TRIM45: variants seen among roughly 807,000 people sequenced by gnomAD.
TRIM45 encodes tripartite motif containing 45, also known as E3 ubiquitin-protein ligase TRIM45.
In TRIM45, 45 loss-of-function variants were observed where a neutral mutation model predicts 46.7. The ratio of observed to expected loss-of-function variants is 0.96; its 90% CI spans 0.76 to 1.24. The LOEUF (loss-of-function observed/expected upper bound fraction) is 1.24, where lower values mean the gene tolerates loss of function less well. Ranked by LOEUF, TRIM45 falls within the 50% of genes most tolerant of loss-of-function variation. TRIM45 has a pLI of 0.00. For synonymous variants in TRIM45, 259 were observed against 285.8 expected, an observed-to-expected ratio of 0.91 and a Z score of 0.94; for missense variants, 680 against 728.4, an observed-to-expected ratio of 0.93 and a Z score of 0.77.
chr1:117,121,524 T>C lies in TRIM45; in HGVS notation c.-323A>G, dbSNP rs182161867. 2.6e-4 allele frequency: 138 copies of C among 538,292 alleles called. 1 individual carries two copies. The highest frequency in any genetic ancestry group is 1.0e-3 in the South Asian group (43 of 41,342). 33.3% of individuals were successfully genotyped at this position (538,292 alleles called of 1,614,324 possible). A position where few individuals can be genotyped will look rare whatever the true frequency, so the allele number is the denominator to read the frequency against. ...GTCCTGCTGCCAACAAAGTCACCCC[T>C]GCACCTCTCGCTCCCTCCACTGCCA... On this transcript the variant is annotated 5_prime_UTR_variant, in exon 1 of 6. Transcript: ENST00000256649. The surrounding 1 kb of genome is among the most constrained non-coding windows in gnomAD (Gnocchi z 4.2).
In TRIM45 at chr1:117,115,583, GC is replaced by G; in HGVS notation, c.1458del (p.Gln486HisfsTer10). The G allele has an allele frequency of 1.9e-6, 3 of 1,613,396 alleles. No individual in the cohort carries two copies. In the East Asian group the frequency reaches 6.7e-5, roughly 36 times the overall value. On this transcript the variant is annotated frameshift_variant, in exon 4 of 6. Transcript: ENST00000256649. LOFTEE classifies it high-confidence loss of function. This position sits in a 1 kb window ranked among gnomAD's most constrained non-coding sequence, Gnocchi z 4.2. ...ACGTGCACCAGTCTTACCTGCACAT[GC>G]TGTTCTTTGATGCAGACCCACACAG... The part of the protein sequence containing the change: ...VYTVWVCIKE[Q>X]HVQGSPFTVM...
At position 117,117,950 on chromosome 1, in the gene TRIM45, T is replaced by C; in HGVS notation, c.1222+84A>G. The stretch of plus-strand genomic sequence containing the variant: ...TGGTAACCTGGTCAGTAGGGCATGC[T>C]TCCTAGCAGAACAAGCCACCAATCT... On this transcript the variant is annotated intron_variant, in intron 2 of 5. Coordinates refer to ENST00000256649, the MANE Select transcript of TRIM45 (RefSeq NM_025188.4). This position sits in a 1 kb window ranked among gnomAD's most constrained non-coding sequence, Gnocchi z 4.9. 6.5e-7 allele frequency: 1 copy of C among 1,529,872 alleles called. No individual in the cohort carries two copies. The highest frequency in any genetic ancestry group is 8.8e-7 in the Non-Finnish European group (1 of 1,130,896). 94.8% of individuals were successfully genotyped at this position (1,529,872 alleles called of 1,614,324 possible).
chr1:117,111,970 AAAAG>A lies in TRIM45; in HGVS notation c.*331_*334del, dbSNP rs1650231923. 1 of 168,432 alleles carries A rather than the reference AAAAG, an allele frequency of 5.9e-6. No individual in the cohort carries two copies. The highest frequency in any genetic ancestry group is 1.3e-5 in the Non-Finnish European group (1 of 79,134). 10.4% of individuals were successfully genotyped at this position (168,432 alleles called of 1,614,324 possible). The stretch of plus-strand genomic sequence containing the variant: ...TTTAAAAAAAAAAAAAAAAGAAAAA[AAAAG>A]GGTTATATCAGAAAGGAACTAAACT... On this transcript the variant is annotated 3_prime_UTR_variant, in exon 6 of 6. Coordinates refer to ENST00000256649, the MANE Select transcript of TRIM45 (RefSeq NM_025188.4).
Position 117,118,458 on chromosome 1 carries a change from G to A in TRIM45, c.798C>T (p.Leu266=). 6.2e-6 allele frequency: 10 copies of A among 1,614,096 alleles called. No homozygotes were observed. The highest frequency in any genetic ancestry group is 5.9e-6 in the Non-Finnish European group (7 of 1,180,012). ...CTGCCACTGCCTCCACTCGCTTCTG[G>A]AGGGCACTGTTTATTATGTGGATCT... ...LAQIHIINSA[L]QKRVEAVAAD... is the part of the protein sequence containing the mutation. The change falls in exon 2 of 6, where the codon CTC becomes CTT. Residue 266 remains leucine, a synonymous_variant. Coordinates refer to ENST00000256649, the MANE Select transcript of TRIM45 (RefSeq NM_025188.4). This position sits in a 1 kb window ranked among gnomAD's most constrained non-coding sequence, Gnocchi z 5.7.
In TRIM45 at chr1:117,116,688, G is replaced by A; in HGVS notation, c.1280C>T (p.Ala427Val). Reference sequence around the variant, plus strand: ...TCCCCTGCCCATGATTTCTCCTGCGGCATCCTTACAAAGCAGGGTGAAAGA... The same window carrying A: ...TCCCCTGCCCATGATTTCTCCTGCGACATCCTTACAAAGCAGGGTGAAAGA... ...TASFTLLCKD[A>V]AGEIMGRGGD... The change falls in exon 3 of 6, where the codon GCC becomes GTC. Residue 427 changes from alanine to valine, a missense_variant. This residue lies in a region of TRIM45 where 322 missense variants were observed against 359.3 expected (regional missense o/e 0.90). Transcript: ENST00000256649. The surrounding 1 kb of genome is among the most constrained non-coding windows in gnomAD (Gnocchi z 4.6). 3 of 1,614,086 alleles carry A rather than the reference G, an allele frequency of 1.9e-6. No individual in the cohort carries two copies. Among genetic ancestry groups the A allele is most frequent in the Non-Finnish European group, 2.5e-6 (3 of 1,180,016 alleles).
At chr1:117,121,825 T>C (rs1239058576), upstream of TRIM45, 2 of 707,184 alleles carry the variant, frequency 2.8e-6, no homozygotes, top group East Asian at 2.7e-5. This position sits in a 1 kb window ranked among gnomAD's most constrained non-coding sequence, Gnocchi z 4.2. Flanking sequence ...CCCTCGCCGC[T>C]CCGGGCCCCG....
chr1:117,117,893 C>T lies in TRIM45; in HGVS notation c.1222+141G>A. 8.9e-7 allele frequency: 1 copy of T among 1,129,700 alleles called. No individual in the cohort carries two copies. Among genetic ancestry groups the T allele is most frequent in the Non-Finnish European group, 1.3e-6 (1 of 793,674 alleles). The allele number at this position is 1,129,700 out of a possible 1,614,324, so 70.0% of individuals were successfully genotyped here. ...CCAGAAAGGGCAAAGGTGGGGGTCA[C>T]TGTCTTTCAGATCAGTTTATCTCCC... is the stretch of plus-strand genomic sequence containing the variant. On this transcript the variant is annotated intron_variant, in intron 2 of 5. Coordinates refer to ENST00000256649, the MANE Select transcript of TRIM45 (RefSeq NM_025188.4). This position sits in a 1 kb window ranked among gnomAD's most constrained non-coding sequence, Gnocchi z 4.9.
Position 117,112,443 on chromosome 1 carries a change from T to C in TRIM45, c.1605A>G (p.Leu535=). Residue 535 remains leucine (L), a synonymous_variant, in exon 6 of 6, where the codon CTA becomes CTG. Coordinates refer to ENST00000256649, the MANE Select transcript of TRIM45 (RefSeq NM_025188.4). ...ACGGTMPGGY[L]GCGHGHKGHP... is the part of the protein sequence containing the mutation. ...GGCCTTTGTGTCCATGGCCACAGCCTAGGTACCCACCTACATGGGACAAAG... is the reference window on the plus strand; with the variant it reads ...GGCCTTTGTGTCCATGGCCACAGCCCAGGTACCCACCTACATGGGACAAAG... The C allele has an allele frequency of 6.2e-7, 1 of 1,612,474 alleles. No homozygotes were observed. The highest frequency in any genetic ancestry group is 8.5e-7 in the Non-Finnish European group (1 of 1,179,352).
chr1:117,118,510 A>G lies in TRIM45; in HGVS notation c.746T>C (p.Val249Ala). 6.2e-7 allele frequency: 1 copy of G among 1,614,140 alleles called. No individual in the cohort carries two copies. The highest frequency in any genetic ancestry group is 8.5e-7 in the Non-Finnish European group (1 of 1,180,036). ...AGCCAGGGCTTCCTCCAGGGCCTCC[A>G]CGTGGGGCTGAGTACCTTTGAGGAG... ...WELLKGTQPH[V>A]EALEEALAQI... The change falls in exon 2 of 6, where the codon GTG becomes GCG. Residue 249 changes from valine to alanine, a missense_variant. This residue lies in a region of TRIM45 where 349 missense variants were observed against 343.6 expected (regional missense o/e 1.02). Coordinates refer to ENST00000256649, the MANE Select transcript of TRIM45 (RefSeq NM_025188.4). This position sits in a 1 kb window ranked among gnomAD's most constrained non-coding sequence, Gnocchi z 5.7.
chr1:117,118,155 TC>T lies in TRIM45; in HGVS notation c.1100del (p.Gly367GlufsTer2). On this transcript the variant is annotated frameshift_variant, in exon 2 of 6. Coordinates refer to ENST00000256649, the MANE Select transcript of TRIM45 (RefSeq NM_025188.4). LOFTEE classifies it high-confidence loss of function. This position sits in a 1 kb window ranked among gnomAD's most constrained non-coding sequence, Gnocchi z 5.7. ...GACAGAAGCGTATCTTATCATTTAC[TC>T]CAGGACGGGTGCTATATTGAACTTT... Reference protein sequence around the residue: ...LNKVQYSTRPGVNDKIRFCPQ... With the variant: ...LNKVQYSTRPXVNDKIRFCPQ... 3 of 1,614,222 alleles carry T rather than the reference TC, an allele frequency of 1.9e-6. No homozygotes were observed. The highest frequency in any genetic ancestry group is 2.5e-6 in the Non-Finnish European group (3 of 1,180,040).
rs370101995 is a variant in TRIM45 at position 117,113,390 on chromosome 1, G to A, written c.1563C>T (p.Thr521=). The A allele has an allele frequency of 3.8e-5, 61 of 1,612,130 alleles. No individual in the cohort carries two copies. The highest frequency in any genetic ancestry group is 3.7e-4 in the African/African-American group (28 of 74,878). ...TGGTGCCTCCACAGGCGCAGCGAGC[G>A]GTTTTCTGGCCCCCGCTGGAGCAGA... ...CTFCSSGGQK[T]ARCACGGTMP... Residue 521 remains threonine (T), a synonymous_variant, in exon 5 of 6, where the codon ACC becomes ACT. Transcript: ENST00000256649. This position sits in a 1 kb window ranked among gnomAD's most constrained non-coding sequence, Gnocchi z 4.0.
chr1:117,113,450 G>T lies in TRIM45; in HGVS notation c.1503C>A (p.His501Gln), dbSNP rs1339516764. The T allele has an allele frequency of 3.1e-6, 5 of 1,612,844 alleles. No homozygotes were observed. The highest frequency in any genetic ancestry group is 4.2e-6 in the Non-Finnish European group (5 of 1,180,010). The change falls in exon 5 of 6, where the codon CAC becomes CAA. Residue 501 changes from histidine to glutamine, a missense_variant. By Grantham distance (24) the His-to-Gln change is conservative. Transcript: ENST00000256649. The surrounding 1 kb of genome is among the most constrained non-coding windows in gnomAD (Gnocchi z 4.0). ...SPFTVMVRRK[H>Q]RPHSGVFHCC... is the part of the protein sequence containing the mutation. The stretch of plus-strand genomic sequence containing the variant: ...AGTGAAACACGCCTGAGTGTGGGCG[G>T]TGCTTTCTCCTCACCATCACAGTGA...
Position 117,121,434 on chromosome 1 carries a change from G to C in TRIM45, c.-233C>G. 3.8e-6 allele frequency: 2 copies of C among 531,998 alleles called. No individual in the cohort carries two copies. Among genetic ancestry groups the C allele is most frequent in the South Asian group, 5.9e-5 (2 of 33,862 alleles). 33.0% of individuals were successfully genotyped at this position (531,998 alleles called of 1,614,324 possible). On this transcript the variant is annotated 5_prime_UTR_variant, in exon 1 of 6. Transcript: ENST00000256649. This position sits in a 1 kb window ranked among gnomAD's most constrained non-coding sequence, Gnocchi z 4.2. ...TTCCACTGCATCCCACACCAGACACGCCCACGCCCTCCTCTGCCCCGCAAG... is the reference window on the plus strand; with the variant it reads ...TTCCACTGCATCCCACACCAGACACCCCCACGCCCTCCTCTGCCCCGCAAG...
In TRIM45 at chr1:117,111,213, CTA is replaced by C. The variant is rs1339918863; in HGVS notation, c.*1090_*1091del. On this transcript the variant is annotated 3_prime_UTR_variant, in exon 6 of 6. Transcript: ENST00000256649. ...ATTCTCCAGCAGCTAAGAAGGCACA[CTA>C]TGAGTGAAGGCACAGTAAGAGTCAA... The C allele has an allele frequency of 6.6e-6, 1 of 152,226 alleles. No individual in the cohort carries two copies. The highest frequency in any genetic ancestry group is 1.5e-5 in the Non-Finnish European group (1 of 68,084). 9.4% of individuals were successfully genotyped at this position (152,226 alleles called of 1,614,324 possible).
chr1:117,113,973 G>A lies in TRIM45; in HGVS notation c.1468-488C>T, dbSNP rs1167319626. ...ATCATTCAATACATTAGTAATCTCA[G>A]ACTGACTTTTCTCTGGGATTCTCAA... is the stretch of plus-strand genomic sequence containing the variant. On this transcript the variant is annotated intron_variant, in intron 4 of 5. Coordinates refer to ENST00000256649, the MANE Select transcript of TRIM45 (RefSeq NM_025188.4). The surrounding 1 kb of genome is among the most constrained non-coding windows in gnomAD (Gnocchi z 4.0). 7.9e-5 allele frequency among the ~76,000 whole-genome samples: 12 copies of A among 152,300 alleles called. No homozygotes were observed. The highest frequency in any genetic ancestry group is 2.9e-4 in the African/African-American group (12 of 41,562).
In TRIM45 at chr1:117,115,500, T is replaced by C. The variant is rs1185122579; in HGVS notation, c.1467+75A>G. 14 of 1,037,316 alleles carry C rather than the reference T, an allele frequency of 1.3e-5. No individual in the cohort carries two copies. Among genetic ancestry groups the C allele is most frequent in the Non-Finnish European group, 2.0e-5 (13 of 660,348 alleles). The allele number at this position is 1,037,316 out of a possible 1,614,324, so 64.3% of individuals were successfully genotyped here. A position where few individuals can be genotyped will look rare whatever the true frequency, so the allele number is the denominator to read the frequency against. On this transcript the variant is annotated intron_variant, in intron 4 of 5. Coordinates refer to ENST00000256649, the MANE Select transcript of TRIM45 (RefSeq NM_025188.4). This position sits in a 1 kb window ranked among gnomAD's most constrained non-coding sequence, Gnocchi z 4.2. ...CTATTCAATCTCTCTGTATAGCTGATCCTATGTGAAATGTCTCCAGATCCT... is the reference window on the plus strand; with the variant it reads ...CTATTCAATCTCTCTGTATAGCTGACCCTATGTGAAATGTCTCCAGATCCT...
Position 117,115,339 on chromosome 1 carries a change from AATG to A in TRIM45, c.1467+233_1467+235del, listed in dbSNP as rs1227221699. On this transcript the variant is annotated intron_variant, in intron 4 of 5. Transcript: ENST00000256649. The surrounding 1 kb of genome is among the most constrained non-coding windows in gnomAD (Gnocchi z 4.2). ...AGAATCCTAAGAAACCAACTGGGAGAATGATAAGCTATAAGCATAACTGCCTGG... is the reference window on the plus strand; with the variant it reads ...AGAATCCTAAGAAACCAACTGGGAGAATAAGCTATAAGCATAACTGCCTGG... Among the ~76,000 whole-genome samples, 2 of 152,162 alleles carry A rather than the reference AATG, an allele frequency of 1.3e-5. No individual in the cohort carries two copies. The highest frequency in any genetic ancestry group is 4.8e-5 in the African/African-American group (2 of 41,446).
Position 117,117,146 on chromosome 1 carries a change from C to T in TRIM45, c.1223-401G>A, listed in dbSNP as rs977932367. On this transcript the variant is annotated intron_variant, in intron 2 of 5. Coordinates refer to ENST00000256649, the MANE Select transcript of TRIM45 (RefSeq NM_025188.4). This position sits in a 1 kb window ranked among gnomAD's most constrained non-coding sequence, Gnocchi z 4.9. ...CAGGGAGTACAGCTGACCAGCCTCACGACCCTCCATGTTTTGAGATCCTCT... is the reference window on the plus strand; with the variant it reads ...CAGGGAGTACAGCTGACCAGCCTCATGACCCTCCATGTTTTGAGATCCTCT... Among the ~76,000 whole-genome samples the T allele has an allele frequency of 7.9e-5, 12 of 152,158 alleles. No homozygotes were observed. Among genetic ancestry groups the T allele is most frequent in the East Asian group, 1.9e-4 (1 of 5,184 alleles).
In TRIM45 at chr1:117,116,645, A is replaced by G; in HGVS notation, c.1323T>C (p.Val441=). 1 of 1,614,026 alleles carries G rather than the reference A, an allele frequency of 6.2e-7. No homozygotes were observed. Among genetic ancestry groups the G allele is most frequent in the Non-Finnish European group, 8.5e-7 (1 of 1,180,004 alleles). ...CTTTCTTATCTTTAGGGACAACGGCAACTTGAACGTTGTCTCCTCCCCTGC... is the reference window on the plus strand; with the variant it reads ...CTTTCTTATCTTTAGGGACAACGGCGACTTGAACGTTGTCTCCTCCCCTGC... ...IMGRGGDNVQ[V]AVVPKDKKDS... The change falls in exon 3 of 6, where the codon GTT becomes GTC. Residue 441 remains valine (V), a synonymous_variant. Transcript: ENST00000256649. This position sits in a 1 kb window ranked among gnomAD's most constrained non-coding sequence, Gnocchi z 4.6.
Sources: allele counts gnomAD v4.1 joint callset (sites outside exome capture counted in the v4.1 genomes callset), GRCh38; gene constraint gnomAD v4.1.1; regional missense constraint gnomAD v4.1.1; non-coding constraint Gnocchi (gnomAD v3.1); transcripts MANE v1.5; gene names NCBI Gene and HGNC (gene_info 2026-07-23, HGNC 2026-07-21).